Variants in MROH2B observed in about 807,000 individuals in gnomAD.
MROH2B encodes maestro heat like repeat family member 2B, also known as maestro heat-like repeat-containing protein family member 2B.
MROH2B carries 177 observed loss-of-function variants against 208.6 expected under a neutral mutation model. The ratio of observed to expected loss-of-function variants is 0.85; its 90% CI spans 0.75 to 0.96. MROH2B has a LOEUF of 0.96. Among genes scored for constraint, MROH2B ranks in the 40% least tolerant of loss-of-function variants. MROH2B has a pLI of 0.00. For synonymous variants in MROH2B, 728 were observed against 659.0 expected, an observed-to-expected ratio of 1.10 and a Z score of -1.60; for missense variants, 2,002 against 1,878.7, an observed-to-expected ratio of 1.07 and a Z score of -1.21.
intron 28 of MROH2B, 51 bp from the exon 29 acceptor site, chr5:41,015,529 G>T: frequency 6.6e-7 from 1 of 1,524,552 alleles, no homozygotes; most frequent in Admixed American, 1.8e-5. Flanking sequence ...CCTGATAGGG[G>T]TTGAAGAGGC....
At chr5:41,007,492 C>T (rs749197442) in intron 33 of MROH2B, 38 bp from the exon 34 acceptor site, 5 of 1,452,162 alleles carry the variant, frequency 3.4e-6, no homozygotes, top group East Asian at 5.1e-5. Flanking sequence ...CTAAGTTGAC[C>T]CTTATAGGGA....
intron 25 of MROH2B, 24 bp downstream of exon 25, chr5:41,018,859 T>C: frequency 6.2e-7 from 1 of 1,613,840 alleles, no homozygotes; most frequent in Non-Finnish European, 8.5e-7. Context: ...ACTGTCATCC[T>C]ACTTAGGCCT....
intron 29 of MROH2B, among the ~76,000 whole-genome samples, chr5:41,014,193 A>G (rs973412547): frequency 3.3e-5 from 5 of 152,140 alleles, no homozygotes; most frequent in African/African-American, 1.2e-4. Context: ...CATAACACCA[A>G]TATAAATCTG....
intron 24 of MROH2B, 57 bp from the exon 25 acceptor site, chr5:41,019,075 A>G: frequency 6.3e-7 from 1 of 1,599,040 alleles, no homozygotes; most frequent in Non-Finnish European, 8.5e-7. Context: ...GAACATACCC[A>G]GTGGAATTCC....
chr5:41,034,153 A>G (rs1232789796), intron 21 of MROH2B: 11 of 796,424 alleles, frequency 1.4e-5, no homozygotes, highest in Non-Finnish European at 1.7e-5. Context: ...ATCATTTTAA[A>G]GAGGCTCAAC....
rs966472680 is a variant in MROH2B at position 41,018,838 on chromosome 5, C to T, written c.2577+45G>A. On this transcript the variant is annotated intron_variant, in intron 25 of 41. Coordinates refer to ENST00000399564, the MANE Select transcript of MROH2B (RefSeq NM_173489.5). ...CTCAGGCTGGGGTGAGAGAGTAAGG[C>T]CCCACTGCAGACTGTCATCCTACTT... is the stretch of plus-strand genomic sequence containing the variant. The T allele has an allele frequency of 1.9e-6, 3 of 1,613,594 alleles. No individual in the cohort carries two copies. In the Admixed American group the frequency reaches 5.0e-5, roughly 27 times the overall value.
chr5:41,037,811 C>A (rs1742812357), intron 21 of MROH2B, among the ~76,000 whole-genome samples: 1 of 152,170 alleles, frequency 6.6e-6, no homozygotes. Flanking sequence ...CCAAGACCTA[C>A]TGAACTAACT....
intron 28 of MROH2B, among the ~76,000 whole-genome samples, chr5:41,016,244 T>C (rs1288247017): frequency 6.6e-6 from 1 of 152,182 alleles, no homozygotes; most frequent in Non-Finnish European, 1.5e-5. Context: ...TCACACTTGT[T>C]ACTTGTGTCT....
In MROH2B at chr5:41,055,935, A is replaced by G; in HGVS notation, c.920-80T>C. 5.1e-6 allele frequency: 5 copies of G among 979,586 alleles called. No individual in the cohort carries two copies. In the South Asian group the frequency reaches 5.3e-5, roughly 10 times the overall value. 60.7% of individuals were successfully genotyped at this position (979,586 alleles called of 1,614,324 possible). On this transcript the variant is annotated intron_variant, in intron 9 of 41. Coordinates refer to ENST00000399564, the MANE Select transcript of MROH2B (RefSeq NM_173489.5). ...CTTGTGAATGGGAGGAGGGAAATTC[A>G]CCATGAAGATTATCCAAGGCACTCT... is the stretch of plus-strand genomic sequence containing the variant.
At chr5:41,052,921 T>C (rs906134318) in intron 11 of MROH2B, among the ~76,000 whole-genome samples, 3 of 152,190 alleles carry the variant, frequency 2.0e-5, no homozygotes, top group Non-Finnish European at 2.9e-5. Context: ...CAAAAAGTTT[T>C]GGATTTTGAA....
chr5:41,043,369 A>G (rs1406304482), intron 18 of MROH2B, among the ~76,000 whole-genome samples: 2 of 152,236 alleles, frequency 1.3e-5, no homozygotes, highest in Admixed American at 1.3e-4. Flanking sequence ...AAAACTGTGT[A>G]CAATACAGAA....
At chr5:41,043,580 A>G (rs1272417352) in intron 18 of MROH2B, among the ~76,000 whole-genome samples, 2 of 152,208 alleles carry the variant, frequency 1.3e-5, no homozygotes, top group South Asian at 4.1e-4. Context: ...GGTCCAGTGC[A>G]TAGTACATCC....
chr5:41,033,706 T>G, intron 22 of MROH2B, 132 bp downstream of exon 22: 1 of 702,120 alleles, frequency 1.4e-6, no homozygotes, highest in Middle Eastern at 3.8e-4. Flanking sequence ...CAGAATTGGA[T>G]TGTTACATGT....
At chr5:41,000,540 G>A (rs2111784818) in intron 38 of MROH2B, 138 bp downstream of exon 38, 1 of 1,333,608 alleles carries the variant, frequency 7.5e-7, no homozygotes, top group Non-Finnish European at 1.0e-6. Flanking sequence ...GAAGAACCTA[G>A]AATTGGAGAA....
chr5:41,061,495 C>G, intron 6 of MROH2B, 75 bp downstream of exon 6: 1 of 1,271,308 alleles, frequency 7.9e-7, no homozygotes, highest in East Asian at 2.6e-5. Flanking sequence ...GCCTAATTAT[C>G]ATGTCACAAA....
rs1284143046 is a variant in MROH2B, at chr5:41,061,700, A to G, written c.485T>C (p.Ile162Thr). The change falls in exon 6 of 42, where the codon ATT (isoleucine) becomes ACT (threonine). Residue 162 changes from isoleucine to threonine, a missense_variant. Transcript: ENST00000399564. Reference protein sequence around the residue: ...CIALEKFSKAIYKYVNHWRDF... With the variant: ...CIALEKFSKATYKYVNHWRDF... ...TCTCCAGTGGTTGACATATTTGTAAATGGCTTTGCTGAATTTCTCAAGGGC... is the reference window on the plus strand; with the variant it reads ...TCTCCAGTGGTTGACATATTTGTAAGTGGCTTTGCTGAATTTCTCAAGGGC... 1 of 1,613,812 alleles carries G rather than the reference A, an allele frequency of 6.2e-7. No homozygotes were observed. The highest frequency in any genetic ancestry group is 1.1e-5 in the South Asian group (1 of 91,044).
intron 31 of MROH2B, 30 bp from the exon 32 acceptor site, chr5:41,009,436 T>C (rs1741705668): frequency 5.0e-6 from 8 of 1,610,980 alleles, no homozygotes; most frequent in Non-Finnish European, 5.9e-6. Flanking sequence ...AATTGGTAGA[T>C]AAGGCACAAC....
rs375928945 is a variant in MROH2B, at chr5:41,005,688, A to G, written c.3750-43T>C. 3.1e-4 allele frequency: 454 copies of G among 1,455,658 alleles called. 2 individuals carry two copies. Among genetic ancestry groups the G allele is most frequent in the Middle Eastern group, 1.4e-3 (8 of 5,754 alleles). 90.2% of individuals were successfully genotyped at this position (1,455,658 alleles called of 1,614,324 possible). ...TAGCAGAGACATATTTTACTAAACA[A>G]TGGAGGAAATCTTAGTCTGTTTGTT... On this transcript the variant is annotated intron_variant, in intron 34 of 41. Coordinates refer to ENST00000399564, the MANE Select transcript of MROH2B (RefSeq NM_173489.5).
intron 2 of MROH2B, among the ~76,000 whole-genome samples, chr5:41,067,444 G>A (rs1276048271): frequency 6.6e-6 from 1 of 151,650 alleles, no homozygotes; most frequent in Non-Finnish European, 1.5e-5. Context: ...TCAGCTCACT[G>A]CAACCTCTGC....
Sources: gnomAD v4.1 joint callset for allele counts (sites outside exome capture counted in the v4.1 genomes callset) on GRCh38, gnomAD v4.1.1 for gene constraint, MANE v1.5 for transcripts, NCBI Gene and HGNC (gene_info 2026-07-23, HGNC 2026-07-21) for gene names.